L3MBTL2: variants seen among roughly 807,000 people sequenced by gnomAD.
L3MBTL2 encodes L3MBTL histone methyl-lysine binding protein 2.
A neutral mutation model predicts 86.4 loss-of-function variants in L3MBTL2; 49 were observed. The observed-to-expected ratio is 0.57, with a 90% CI of 0.45 to 0.72. The LOEUF (loss-of-function observed/expected upper bound fraction) is 0.72. Among genes scored for constraint, L3MBTL2 ranks in the 30% least tolerant of loss-of-function variants. L3MBTL2 has a pLI of 0.00. For synonymous variants in L3MBTL2, 336 were observed against 350.6 expected (o/e 0.96, Z 0.47); for missense variants, 755 against 923.7 (o/e 0.82, Z 2.37).
At chr22:41,210,520 AG>A (rs1289412676) in intron 2 of L3MBTL2, among the ~76,000 whole-genome samples, 1 of 152,164 alleles carries the variant, frequency 6.6e-6, no homozygotes, top group Non-Finnish European at 1.5e-5. Flanking sequence ...TAGGAGAGAC[AG>A]GGTTTCACCA....
At position 41,229,629 on chromosome 22, in the gene L3MBTL2, A is replaced by T. The variant is rs781212496; in HGVS notation, c.1978A>T (p.Ile660Phe). 3 of 1,613,758 alleles carry T rather than the reference A, an allele frequency of 1.9e-6. No homozygotes were observed. In the Admixed American group the frequency reaches 5.0e-5, roughly 27 times the overall value. Residue 660 changes from isoleucine (I) to phenylalanine (F), a missense_variant, in exon 16 of 17, where the codon ATC becomes TTC. Coordinates refer to ENST00000216237, the MANE Select transcript of L3MBTL2 (RefSeq NM_031488.5). ...LEDDPQGARK[I>F]SSEPVPGEII... The stretch of plus-strand genomic sequence containing the variant: ...GGACGACCCTCAGGGTGCCAGGAAG[A>T]TCTCGTCGGAGCCTGTTCCTGGCGA...
intron 5 of L3MBTL2, chr22:41,217,935 C>G (rs1300974417): frequency 6.6e-6 from 1 of 152,406 alleles, no homozygotes; most frequent in East Asian, 1.9e-4. Flanking sequence ...TCAGCTAACT[C>G]ACTCCTCTCG....
At chr22:41,229,445 C>T (rs1353171105) in intron 15 of L3MBTL2, 95 bp from the exon 16 acceptor site, 3 of 1,419,762 alleles carry the variant, frequency 2.1e-6, no homozygotes, top group African/African-American at 2.9e-5. Flanking sequence ...ACTTTTCCCT[C>T]TGCCACGCTG....
chr22:41,221,457 GC>G, intron 8 of L3MBTL2, 170 bp downstream of exon 8: 1 of 628,766 alleles, frequency 1.6e-6, no homozygotes, highest in Non-Finnish European at 2.9e-6. Context: ...GTTGCCATCT[GC>G]CTTTCTAGCC....
At chr22:41,226,501 T>C (rs1249055459) in intron 12 of L3MBTL2, among the ~76,000 whole-genome samples, 161 bp from the exon 13 acceptor site, 2 of 152,212 alleles carry the variant, frequency 1.3e-5, no homozygotes, top group African/African-American at 4.8e-5. Flanking sequence ...ACTGTGGTGC[T>C]AGAGCAGGTA....
rs1180645321 is a variant in L3MBTL2 at position 41,209,891 on chromosome 22, CCT to C, written c.221_222del (p.Pro74ArgfsTer12). 6 of 1,614,040 alleles carry C rather than the reference CCT, an allele frequency of 3.7e-6. No homozygotes were observed. The highest frequency in any genetic ancestry group is 5.1e-6 in the Non-Finnish European group (6 of 1,179,980). ...LPTSPLHLLS[P>X]GTPRSLDGSG... ...GACCTCCCCGCTGCATTTGCTCAGCCCTGGGACTCCTCGCTCCTTGGATGGCA... is the reference window on the plus strand; with the variant it reads ...GACCTCCCCGCTGCATTTGCTCAGCCGGGACTCCTCGCTCCTTGGATGGCA... On this transcript the variant is annotated frameshift_variant, in exon 2 of 17. Transcript: ENST00000216237. LOFTEE classifies it high-confidence loss of function.
chr22:41,212,008 C>T (rs2030900811), intron 2 of L3MBTL2, among the ~76,000 whole-genome samples: 2 of 151,262 alleles, frequency 1.3e-5, no homozygotes, highest in African/African-American at 4.9e-5. Flanking sequence ...GGACTACAGG[C>T]GCCCTCCGCC....
At position 41,205,337 on chromosome 22, in the gene L3MBTL2, G is replaced by A; in HGVS notation, c.-26G>A. The A allele has an allele frequency of 5.6e-6, 9 of 1,614,164 alleles. No individual in the cohort carries two copies. The highest frequency in any genetic ancestry group is 7.6e-6 in the Non-Finnish European group (9 of 1,180,012). On this transcript the variant is annotated 5_prime_UTR_variant, in exon 1 of 17. The change creates a new upstream start codon in the 5' untranslated region. Coordinates refer to ENST00000216237, the MANE Select transcript of L3MBTL2 (RefSeq NM_031488.5). ...AGGCCAATATGGCTTCCTGCACCTG[G>A]TGACGCTTGGCGAAACTGAGGTCTC...
rs2031128810 is a variant in L3MBTL2 at position 41,213,914 on chromosome 22, T to C, written c.284T>C (p.Ile95Thr). 6.2e-7 allele frequency: 1 copy of C among 1,614,166 alleles called. No individual in the cohort carries two copies. Among genetic ancestry groups the C allele is most frequent in the Non-Finnish European group, 8.5e-7 (1 of 1,180,038 alleles). The change falls in exon 3 of 17, where the codon ATC becomes ACC. Residue 95 changes from isoleucine to threonine, a missense_variant. Physicochemically the swap from Ile to Thr is moderately conservative, Grantham distance 89. Around this residue, in one of 3 missense-constraint regions of L3MBTL2, gnomAD observed 18 missense variants for 69.7 expected, o/e 0.26. Transcript: ENST00000216237. ...CCAGCTGTCTGTGAGATGTGTGGTA[T>C]CGTGGGTACAAGGGAAGCCTTCTTC... Reference protein sequence around the residue: ...SEPAVCEMCGIVGTREAFFSK... With the variant: ...SEPAVCEMCGTVGTREAFFSK...
Position 41,225,409 on chromosome 22 carries a change from G to T in L3MBTL2, c.1356+338G>T, listed in dbSNP as rs1411547988. Among the ~76,000 whole-genome samples the T allele has an allele frequency of 6.6e-6, 1 of 152,184 alleles. No individual in the cohort carries two copies. Among genetic ancestry groups the T allele is most frequent in the Admixed American group, 6.5e-5 (1 of 15,276 alleles). ...GGCCTAGGCAAGAGCCACAGCTGGG[G>T]TCACCTTGCTCCAAACCTCATCGCC... On this transcript the variant is annotated intron_variant, in intron 11 of 16. Transcript: ENST00000216237. The surrounding 1 kb of genome is among the most constrained non-coding windows in gnomAD (Gnocchi z 4.1).
chr22:41,224,338 C>G lies in L3MBTL2; in HGVS notation c.1174+87C>G, dbSNP rs946679128. 9.3e-7 allele frequency: 1 copy of G among 1,078,598 alleles called. No individual in the cohort carries two copies. Among genetic ancestry groups the G allele is most frequent in the Non-Finnish European group, 1.4e-6 (1 of 738,020 alleles). 66.8% of individuals were successfully genotyped at this position (1,078,598 alleles called of 1,614,324 possible). On this transcript the variant is annotated intron_variant, in intron 9 of 16. Transcript: ENST00000216237. The surrounding 1 kb of genome is among the most constrained non-coding windows in gnomAD (Gnocchi z 4.9). ...CACCTTCCTACTCGTCACAGCAGGT[C>G]AGCAGGTGGAGGTTGGCATGGCCCC...
chr22:41,230,671 A>G lies in L3MBTL2; in HGVS notation c.*420A>G. ...CTGCCTGAACGAGCCATGTAAATTAAGTTCTAGAGCAGCTCTCTGAGCAGG... is the reference window on the plus strand; with the variant it reads ...CTGCCTGAACGAGCCATGTAAATTAGGTTCTAGAGCAGCTCTCTGAGCAGG... On this transcript the variant is annotated 3_prime_UTR_variant, in exon 17 of 17. Coordinates refer to ENST00000216237, the MANE Select transcript of L3MBTL2 (RefSeq NM_031488.5). 1 of 188,460 alleles carries G rather than the reference A, an allele frequency of 5.3e-6. No individual in the cohort carries two copies. 11.7% of individuals were successfully genotyped at this position (188,460 alleles called of 1,614,324 possible).
At chr22:41,216,605 G>T (rs1371453488) in intron 4 of L3MBTL2, among the ~76,000 whole-genome samples, 1 of 152,186 alleles carries the variant, frequency 6.6e-6, no homozygotes, top group Non-Finnish European at 1.5e-5. Flanking sequence ...GGAGAGGGGT[G>T]GTGGGATAAG....
In L3MBTL2 at chr22:41,220,830, G is replaced by C; in HGVS notation, c.815G>C (p.Trp272Ser). The stretch of plus-strand genomic sequence containing the variant: ...ACAGTGGATGTCCACCCCATTGGCT[G>C]GTGTGCCATCAACAGCAAGATCCTA... ...LGTVDVHPIG[W>S]CAINSKILVP... Residue 272 changes from tryptophan (W) to serine (S), a missense_variant, in exon 7 of 17, where the codon TGG becomes TCG. By Grantham distance (177) the Trp-to-Ser change is radical. Transcript: ENST00000216237. 1 of 1,613,928 alleles carries C rather than the reference G, an allele frequency of 6.2e-7. No homozygotes were observed. The highest frequency in any genetic ancestry group is 1.1e-5 in the South Asian group (1 of 91,072).
chr22:41,217,341 G>C, intron 5 of L3MBTL2, 139 bp downstream of exon 5: 1 of 633,362 alleles, frequency 1.6e-6, no homozygotes, highest in Non-Finnish European at 2.8e-6. Context: ...GTTACCACTC[G>C]CTCCATTTCA....
In L3MBTL2 at chr22:41,230,210, C is replaced by T; in HGVS notation, c.2077C>T (p.Pro693Ser). 6.2e-7 allele frequency: 1 copy of T among 1,613,794 alleles called. No individual in the cohort carries two copies. The highest frequency in any genetic ancestry group is 1.3e-5 in the African/African-American group (1 of 74,946). ...CGACAAGGCTTCAAGTCCAGAGCTG[C>T]CTGTCTCCGTCGAGAACATCAAGCA... ...SPDKASSPEL[P>S]VSVENIKQET... Residue 693 changes from proline to serine, a missense_variant, in exon 17 of 17, where the codon CCT becomes TCT. Physicochemically the swap from Pro to Ser is moderately conservative, Grantham distance 74 (BLOSUM62 -1). Transcript: ENST00000216237.
intron 2 of L3MBTL2, 175 bp downstream of exon 2, chr22:41,210,108 C>A: frequency 1.5e-6 from 1 of 668,906 alleles, no homozygotes; most frequent in Non-Finnish European, 2.3e-6. Context: ...CCCCAAGTAG[C>A]CACTGTGTTA....
intron 1 of L3MBTL2, 151 bp downstream of exon 1, chr22:41,205,537 CA>C: frequency 4.2e-6 from 4 of 952,194 alleles, no homozygotes; most frequent in South Asian, 4.2e-5. Flanking sequence ...GGGGCAGAGG[CA>C]ATTGACGTTA....
intron 5 of L3MBTL2, 196 bp downstream of exon 5, chr22:41,217,398 T>C: frequency 1.7e-6 from 1 of 575,552 alleles, no homozygotes; most frequent in Non-Finnish European, 3.1e-6. Flanking sequence ...ATCACCTGCT[T>C]GGCTTCACTC....
Sources: allele counts gnomAD v4.1 joint callset (sites outside exome capture counted in the v4.1 genomes callset), GRCh38; gene constraint gnomAD v4.1.1; regional missense constraint gnomAD v4.1.1; non-coding constraint Gnocchi (gnomAD v3.1); transcripts MANE v1.5; gene names NCBI Gene and HGNC (gene_info 2026-07-23, HGNC 2026-07-21).